LRRIQ1: variants seen among roughly 807,000 people sequenced by gnomAD.
LRRIQ1 encodes leucine rich repeats and IQ motif containing 1.
LRRIQ1 carries 210 observed loss-of-function variants against 211.9 expected under a neutral mutation model. The ratio of observed to expected loss-of-function variants is 0.99; its 90% CI spans 0.89 to 1.11. LRRIQ1 has a LOEUF of 1.11. Ranked by LOEUF, LRRIQ1 falls within the 50% of genes most tolerant of loss-of-function variation. LRRIQ1 has a pLI of 0.00. For synonymous variants in LRRIQ1, 699 were observed against 650.1 expected (o/e 1.08, Z -1.14); for missense variants, 2,136 against 1,939.5 (o/e 1.10, Z -1.90).
chr12:85,254,032 C>T (rs7488598), intron 1 of LRRIQ1, among the ~76,000 whole-genome samples: 72,864 of 151,816 alleles, frequency 0.48, 21,507 homozygotes, highest in African/African-American at 0.84. Context: ...CCCATGGTAC[C>T]GTCCTTGCAA....
At position 85,160,590 on chromosome 12, in the gene LRRIQ1, C is replaced by T. The variant is rs780593793; in HGVS notation, c.4721-23C>T. The stretch of plus-strand genomic sequence containing the variant: ...GAATTAACCAAAGATGAACTCTGCT[C>T]CTTTCTTATTCGTTTTGTTTAGATT... On this transcript the variant is annotated intron_variant, in intron 23 of 26. Transcript: ENST00000393217. 31 of 1,431,444 alleles carry T rather than the reference C, an allele frequency of 2.2e-5. 1 individual carries two copies. In the South Asian group the frequency reaches 3.0e-4, roughly 14 times the overall value. 88.7% of individuals were successfully genotyped at this position (1,431,444 alleles called of 1,614,324 possible).
At chr12:85,116,325 T>A (rs1266758247) in intron 15 of LRRIQ1, among the ~76,000 whole-genome samples, 1 of 151,986 alleles carries the variant, frequency 6.6e-6, no homozygotes, top group African/African-American at 2.4e-5. Flanking sequence ...CTTTTTTTTT[T>A]AGTAGAGACG....
chr12:85,105,890 G>A (rs181019684), intron 14 of LRRIQ1, among the ~76,000 whole-genome samples: 3 of 146,542 alleles, frequency 2.0e-5, no homozygotes, highest in African/African-American at 5.0e-5. Flanking sequence ...TCCATCTCCC[G>A]GGTTCAAGTG....
chr12:85,068,270 T>G (rs1882659355), intron 10 of LRRIQ1, among the ~76,000 whole-genome samples: 1 of 151,906 alleles, frequency 6.6e-6, no homozygotes, highest in South Asian at 2.1e-4. Context: ...AAGTTTAATC[T>G]AGACTGAAAT....
At chr12:85,108,579 T>C (rs1241617579) in intron 15 of LRRIQ1, among the ~76,000 whole-genome samples, 1 of 152,192 alleles carries the variant, frequency 6.6e-6, no homozygotes, top group Non-Finnish European at 1.5e-5. Context: ...CAAGTTTAAG[T>C]GAATTACCTC....
intron 9 of LRRIQ1, among the ~76,000 whole-genome samples, chr12:85,066,220 C>CT (rs138878274): frequency 0.011 from 1,626 of 151,976 alleles, 21 homozygotes; most frequent in Non-Finnish European, 0.017. Context: ...GTATCATTAA[C>CT]TTAAGGCATC....
downstream of LRRIQ1, among the ~76,000 whole-genome samples, chr12:85,248,153 A>G (rs1895788257): frequency 6.6e-6 from 1 of 151,610 alleles, no homozygotes; most frequent in African/African-American, 2.4e-5. Flanking sequence ...TAATACTTTT[A>G]TTGTTAGAGC....
chr12:85,183,586 G>T (rs1294286886), intron 24 of LRRIQ1, among the ~76,000 whole-genome samples: 1 of 151,792 alleles, frequency 6.6e-6, no homozygotes. Flanking sequence ...AATATCATGG[G>T]CTTATGTTAA....
chr12:85,165,062 A>G (rs867223082), intron 24 of LRRIQ1, among the ~76,000 whole-genome samples: 21 of 152,232 alleles, frequency 1.4e-4, no homozygotes, highest in African/African-American at 4.8e-4. Flanking sequence ...GGATAATGTT[A>G]TTATTGATAT....
chr12:85,245,015 C>T lies in LRRIQ1; in HGVS notation c.*74C>T. 2.0e-6 allele frequency: 3 copies of T among 1,529,594 alleles called. No homozygotes were observed. The South Asian group carries it at 3.8e-5, about 19-fold the overall frequency. 94.8% of individuals were successfully genotyped at this position (1,529,594 alleles called of 1,614,324 possible). ...CAGATAGGGGGTAGGATGCCAGCAA[C>T]CTGAACTGCCCAAAAATGTGTATTT... On this transcript the variant is annotated 3_prime_UTR_variant, in exon 27 of 27. Coordinates refer to ENST00000393217, the MANE Select transcript of LRRIQ1 (RefSeq NM_001079910.2).
rs1019056988 is a variant in LRRIQ1, at chr12:85,198,226, G to T, written c.4823-31291G>T. ...TGGAATACTGTTGATGGGCATTTAG[G>T]TTGGTTCCATGTCTTTGTTATTGTG... On this transcript the variant is annotated intron_variant, in intron 24 of 26. Transcript: ENST00000393217. 4.3e-5 allele frequency among the ~76,000 whole-genome samples: 6 copies of T among 139,222 alleles called. No homozygotes were observed. In the East Asian group the frequency reaches 8.3e-4, roughly 19 times the overall value. 91.3% of individuals were successfully genotyped at this position (139,222 alleles called of 152,430 possible).
chr12:85,124,464 G>A lies in LRRIQ1; in HGVS notation c.3952G>A (p.Val1318Ile). ...PTIRIPFKEV[V>I]MTNSLLRNHQ... ...CATAAGAATCCCATTTAAGGAAGTA[G>A]TAATGACAAATTCTTTGCTGAGGAA... is the stretch of plus-strand genomic sequence containing the variant. Residue 1318 changes from valine (V) to isoleucine (I), a missense_variant, in exon 17 of 27, where the codon GTA becomes ATA. Coordinates refer to ENST00000393217, the MANE Select transcript of LRRIQ1 (RefSeq NM_001079910.2). 1 of 1,613,736 alleles carries A rather than the reference G, an allele frequency of 6.2e-7. No individual in the cohort carries two copies. Among genetic ancestry groups the A allele is most frequent in the Non-Finnish European group, 8.5e-7 (1 of 1,180,018 alleles).
At chr12:85,220,702 G>T (rs1894359666) in intron 24 of LRRIQ1, among the ~76,000 whole-genome samples, 1 of 150,802 alleles carries the variant, frequency 6.6e-6, no homozygotes, top group Admixed American at 6.6e-5. Flanking sequence ...GTGCAGGTTT[G>T]TTACATATGT....
intron 15 of LRRIQ1, among the ~76,000 whole-genome samples, chr12:85,112,043 A>G (rs1887214479): frequency 6.6e-6 from 1 of 152,076 alleles, no homozygotes; most frequent in African/African-American, 2.4e-5. Context: ...TACATTAGAT[A>G]CGACATGTTT....
chr12:85,047,495 AT>A, intron 6 of LRRIQ1, 25 bp downstream of exon 6: 1 of 1,583,320 alleles, frequency 6.3e-7, no homozygotes, highest in Non-Finnish European at 8.6e-7. Flanking sequence ...TTTTTCATGT[AT>A]TTTTAAAATC....
rs576374479 is a variant in LRRIQ1, at chr12:85,044,723, A to T, written c.250A>T (p.Ser84Cys). 1 of 1,526,860 alleles carries T rather than the reference A, an allele frequency of 6.5e-7. No homozygotes were observed. Among genetic ancestry groups the T allele is most frequent in the African/African-American group, 1.4e-5 (1 of 73,450 alleles). The allele number at this position is 1,526,860 out of a possible 1,614,324, so 94.6% of individuals were successfully genotyped here. Residue 84 changes from serine to cysteine, a missense_variant, in exon 4 of 27, where the codon AGT (serine) becomes TGT (cysteine). Transcript: ENST00000393217. ...TACATTTTTTCTTTCTCTAGGCTGT[A>T]GTTATGGAGCAGTTTCTAATAATCA... ...DLEDTDILSC[S>C]YGAVSNNHMH...
intron 23 of LRRIQ1, among the ~76,000 whole-genome samples, chr12:85,155,603 A>G (rs542038776): frequency 6.6e-6 from 1 of 151,838 alleles, no homozygotes; most frequent in East Asian, 1.9e-4. Flanking sequence ...TTCAAATATC[A>G]GAGGTGGTTT....
intron 11 of LRRIQ1, among the ~76,000 whole-genome samples, chr12:85,091,870 C>T (rs575003675): frequency 6.6e-6 from 1 of 152,044 alleles, no homozygotes; most frequent in Non-Finnish European, 1.5e-5. Context: ...GGTTATGGAC[C>T]AGTAGCGGTC....
At chr12:85,169,207 A>C (rs536287067) in intron 24 of LRRIQ1, among the ~76,000 whole-genome samples, 3 of 152,204 alleles carry the variant, frequency 2.0e-5, no homozygotes, top group African/African-American at 2.4e-5. Flanking sequence ...CTGCATTTGC[A>C]AGGAATGAAG....
Sources: gnomAD v4.1 joint callset for allele counts (sites outside exome capture counted in the v4.1 genomes callset) on GRCh38, gnomAD v4.1.1 for gene constraint, MANE v1.5 for transcripts, NCBI Gene and HGNC (gene_info 2026-07-23, HGNC 2026-07-21) for gene names.